DNAH5: variants seen among roughly 807,000 people sequenced by gnomAD.
DNAH5 encodes the protein axonemal beta dynein heavy chain 5.
A neutral mutation model predicts 518.2 loss-of-function variants in DNAH5; 372 were observed. That is an observed-to-expected ratio of 0.72 (90% confidence interval 0.66 to 0.78). The LOEUF (loss-of-function observed/expected upper bound fraction) is 0.78. DNAH5 is among the 30% of genes least tolerant of loss of function. The probability of loss-of-function intolerance (pLI) is 0.00; values close to 1 mark genes in which losing one functional copy is unlikely to be tolerated. For synonymous variants in DNAH5, 2,039 were observed against 2,025.9 expected, an observed-to-expected ratio of 1.01 and a Z score of -0.17; for missense variants, 5,523 against 5,687.0, an observed-to-expected ratio of 0.97 and a Z score of 0.93.
chr5:13,720,277 C>A (rs1179529491), intron 71 of DNAH5, among the ~76,000 whole-genome samples: 2 of 152,190 alleles, frequency 1.3e-5, no homozygotes, highest in African/African-American at 2.4e-5. Context: ...CTGACACCGT[C>A]CACAATTCAA....
At position 13,885,115 on chromosome 5, in the gene DNAH5, C is replaced by T. The variant is rs267600373; in HGVS notation, c.2857G>A (p.Glu953Lys). The T allele has an allele frequency of 6.2e-7, 1 of 1,614,226 alleles. No homozygotes were observed. Among genetic ancestry groups the T allele is most frequent in the Non-Finnish European group, 8.5e-7 (1 of 1,180,036 alleles). The change falls in exon 19 of 79, where the codon GAA (glutamate) becomes AAA (lysine). Residue 953 changes from glutamate to lysine, a missense_variant. Physicochemically the swap from Glu to Lys is moderately conservative, Grantham distance 56 (BLOSUM62 1). Around this residue, in one of 3 missense-constraint regions of DNAH5, gnomAD observed 5,121 missense variants for 5,223.3 expected, o/e 0.98. Transcript: ENST00000265104. ...RKKKETEMLG[E>K]EARELLSHFN... is the part of the protein sequence containing the mutation. ...TGAGAGAGTAACTCGCGGGCTTCTT[C>T]CCCTAACATCTCAGTTTCTTTCTTT... is the stretch of plus-strand genomic sequence containing the variant.
Position 13,859,522 on chromosome 5 carries a change from G to A in DNAH5, c.4880C>T (p.Thr1627Met), listed in dbSNP as rs745381842. 3.2e-5 allele frequency: 52 copies of A among 1,613,856 alleles called. No individual in the cohort carries two copies. The highest frequency in any genetic ancestry group is 1.6e-4 in the Middle Eastern group (1 of 6,084). ...TAAATAAATCCACAGGTTTTGCACC[G>A]TCATCCAGCTCTCGATGATGTCTGT... ...NSTDIIESWM[T>M]VQNLWIYLEA... The change falls in exon 30 of 79, where the codon ACG becomes ATG. Residue 1627 changes from threonine to methionine, a missense_variant. Around this residue, in one of 3 missense-constraint regions of DNAH5, gnomAD observed 5,121 missense variants for 5,223.3 expected, o/e 0.98. Coordinates refer to ENST00000265104, the MANE Select transcript of DNAH5 (RefSeq NM_001369.3).
intron 55 of DNAH5, among the ~76,000 whole-genome samples, chr5:13,775,901 T>C (rs1754018201): frequency 6.6e-6 from 1 of 151,230 alleles, no homozygotes; most frequent in African/African-American, 2.4e-5. Flanking sequence ...CATGTTCTGA[T>C]GTAATAGGGA....
In DNAH5 at chr5:13,987,840, A is replaced by C. The variant is rs79579989; in HGVS notation, c.12+23808T>G. Among the ~76,000 whole-genome samples the C allele has an allele frequency of 8.2e-5, 10 of 122,084 alleles. No individual in the cohort carries two copies. In the South Asian group the frequency reaches 2.3e-3, roughly 28 times the overall value. 80.1% of individuals were successfully genotyped at this position (122,084 alleles called of 152,430 possible). ...CTGCACTCCAGCCTGGGCAAGTCTCAAAAAAAAAAAAAACAATTTAATCTT... is the reference window on the plus strand; with the variant it reads ...CTGCACTCCAGCCTGGGCAAGTCTCCAAAAAAAAAAAAACAATTTAATCTT... On this transcript the variant is annotated intron_variant, in intron 1 of 78. Coordinates refer to the DNAH5 transcript ENST00000681290.
chr5:13,900,129 A>G, intron 15 of DNAH5, 77 bp downstream of exon 15: 2 of 1,304,418 alleles, frequency 1.5e-6, no homozygotes, highest in Non-Finnish European at 2.2e-6. Flanking sequence ...CTCCTTGAAT[A>G]TGACACATCA....
chr5:13,852,116 A>C lies in DNAH5; in HGVS notation c.4951-1301T>G, dbSNP rs574772037. On this transcript the variant is annotated intron_variant, in intron 30 of 78. Coordinates refer to ENST00000265104, the MANE Select transcript of DNAH5 (RefSeq NM_001369.3). ...CCTACCCCACAAGGGCCTGGGTTTCAAGCACAAAATTCGGTGGCCGTTTGG... is the reference window on the plus strand; with the variant it reads ...CCTACCCCACAAGGGCCTGGGTTTCCAGCACAAAATTCGGTGGCCGTTTGG... Among the ~76,000 whole-genome samples the C allele has an allele frequency of 7.2e-5, 11 of 152,032 alleles. No individual in the cohort carries two copies. The South Asian group carries it at 1.9e-3, about 26-fold the overall frequency.
chr5:13,842,483 G>GAAC lies in DNAH5; in HGVS notation c.5272-580_5272-579insGTT, dbSNP rs78049687. On this transcript the variant is annotated intron_variant, in intron 32 of 78. Transcript: ENST00000265104. ...AGAAAGAAAGAAAGAAAGAAAGAAAGAGAAAGAAAAGAAAGAAAGAAAGAA... is the reference window on the plus strand; with the variant it reads ...AGAAAGAAAGAAAGAAAGAAAGAAAGAACAGAAAGAAAAGAAAGAAAGAAAGAA... Among the ~76,000 whole-genome samples, 6 of 78,366 alleles carry GAAC rather than the reference G, an allele frequency of 7.7e-5. 1 individual carries two copies. The East Asian group carries it at 2.1e-3, about 27-fold the overall frequency. 51.4% of individuals were successfully genotyped at this position (78,366 alleles called of 152,430 possible).
At chr5:13,739,059 G>T (rs895320612) in intron 65 of DNAH5, among the ~76,000 whole-genome samples, 1 of 152,080 alleles carries the variant, frequency 6.6e-6, no homozygotes, top group Non-Finnish European at 1.5e-5. Flanking sequence ...TTGACAGTGC[G>T]TTTGACAGTT....
intron 47 of DNAH5, among the ~76,000 whole-genome samples, chr5:13,804,989 T>C (rs1423165558): frequency 6.6e-6 from 1 of 152,130 alleles, no homozygotes; most frequent in Admixed American, 6.5e-5. Flanking sequence ...CAAGGCCTCA[T>C]TGCATAATAA....
intron 76 of DNAH5, among the ~76,000 whole-genome samples, chr5:13,704,013 G>C (rs1742461017): frequency 6.6e-6 from 1 of 152,178 alleles, no homozygotes; most frequent in Non-Finnish European, 1.5e-5. Flanking sequence ...GCTCCAGGTG[G>C]TACAGCTCCC....
At chr5:13,918,723 A>G (rs1453350041) in intron 7 of DNAH5, among the ~76,000 whole-genome samples, 1 of 152,130 alleles carries the variant, frequency 6.6e-6, no homozygotes, top group African/African-American at 2.4e-5. Context: ...CTGCCTCGGC[A>G]TCCCAAAGTG....
rs1772762549 is a variant in DNAH5, at chr5:13,888,711, TG to T, written c.2577+2264del. 2.6e-5 allele frequency among the ~76,000 whole-genome samples: 4 copies of T among 152,336 alleles called. No homozygotes were observed. The South Asian group carries it at 8.3e-4, about 32-fold the overall frequency. ...GGTAGTACTGCATTGCTGGTGGCAT[TG>T]TAAGCTGATAATATCCTTTTGAAAA... On this transcript the variant is annotated intron_variant, in intron 17 of 78. Transcript: ENST00000265104.
At chr5:13,748,704 G>A (rs978054597) in intron 65 of DNAH5, among the ~76,000 whole-genome samples, 2 of 152,096 alleles carry the variant, frequency 1.3e-5, no homozygotes, top group African/African-American at 4.8e-5. Context: ...GTATAAGAAT[G>A]CTTGTGATTT....
At chr5:13,820,284 TTCAAATGGG>T in intron 41 of DNAH5, 53 bp downstream of exon 41, 1 of 1,577,802 alleles carries the variant, frequency 6.3e-7, no homozygotes, top group Non-Finnish European at 8.6e-7. Flanking sequence ...CTCTTGGGCA[TTCAAATGGG>T]TCACCACTAC....
chr5:13,986,241 C>T (rs1460475150), intron 1 of DNAH5, among the ~76,000 whole-genome samples: 1 of 152,210 alleles, frequency 6.6e-6, no homozygotes, highest in Non-Finnish European at 1.5e-5. Context: ...GCATTCTGAG[C>T]TTCCCAGCAG....
intron 3 of DNAH5, among the ~76,000 whole-genome samples, chr5:13,927,114 T>C (rs1277056391): frequency 6.6e-6 from 1 of 152,188 alleles, no homozygotes; most frequent in African/African-American, 2.4e-5. Context: ...TAATCAGATA[T>C]TGACTTATCT....
rs771759145 is a variant in DNAH5 at position 13,737,374 on chromosome 5, T to C, written c.11333A>G (p.Asp3778Gly). 11 of 1,614,198 alleles carry C rather than the reference T, an allele frequency of 6.8e-6. No homozygotes were observed. The East Asian group carries it at 2.5e-4, about 36-fold the overall frequency. ...LTSTQGSLVE[D>G]ESLIVVLSNT... Reference sequence around the variant, plus strand: ...ACTCAGCACGACAATGAGACTTTCATCTTCTACCAGGGACCCCTGGGTACT... The same window carrying C: ...ACTCAGCACGACAATGAGACTTTCACCTTCTACCAGGGACCCCTGGGTACT... The change falls in exon 66 of 79, where the codon GAT becomes GGT. Residue 3778 changes from aspartate (D) to glycine (G), a missense_variant. Transcript: ENST00000265104.
At chr5:13,874,404 A>G (rs1770565283) in intron 22 of DNAH5, among the ~76,000 whole-genome samples, 1 of 152,198 alleles carries the variant, frequency 6.6e-6, no homozygotes, top group Admixed American at 6.5e-5. Flanking sequence ...CATGAAGGTA[A>G]CCTAGACCTT....
chr5:13,849,082 T>C (rs951696007), intron 31 of DNAH5, among the ~76,000 whole-genome samples: 6 of 152,382 alleles, frequency 3.9e-5, no homozygotes, highest in Admixed American at 1.3e-4. Context: ...CTTTAAGTTT[T>C]AGGGTACATG....
Sources: allele counts gnomAD v4.1 joint callset (sites outside exome capture counted in the v4.1 genomes callset), GRCh38; gene constraint gnomAD v4.1.1; regional missense constraint gnomAD v4.1.1; transcripts MANE v1.5; gene names NCBI Gene and HGNC (gene_info 2026-07-23, HGNC 2026-07-21).